The following VRK2 variants were observed in gnomAD, a reference collection of about 807,000 sequenced individuals.
VRK2 encodes the protein VRK serine/threonine kinase 2, also known as serine/threonine-protein kinase VRK2.
A neutral mutation model predicts 57.6 loss-of-function variants in VRK2; 60 were observed. That is an observed-to-expected ratio of 1.04 (90% CI 0.85 to 1.29). VRK2 has a LOEUF of 1.29. Ranked by LOEUF, VRK2 falls within the 50% of genes most tolerant of loss-of-function variation. The probability of loss-of-function intolerance (pLI) is 0.00; values close to 1 mark genes in which losing one functional copy is unlikely to be tolerated. For synonymous variants in VRK2, 231 were observed against 199.2 expected (o/e 1.16, Z -1.35); for missense variants, 705 against 588.1 (o/e 1.20, Z -2.06).
At position 57,917,698 on chromosome 2, in the gene VRK2, CT is replaced by C. The variant is rs1285928937; in HGVS notation, c.-439+9867del. Among the ~76,000 whole-genome samples the C allele has an allele frequency of 6.0e-5, 9 of 151,132 alleles. No homozygotes were observed. In the East Asian group the frequency reaches 1.4e-3, roughly 23 times the overall value. On this transcript the variant is annotated intron_variant, in intron 1 of 15. Coordinates refer to the VRK2 transcript ENST00000417641. Reference sequence around the variant, plus strand: ...CTGCTTATGATATAGAAAATTTTCACTTTTTTTTGACAAATGAAATGTTGAT... The same window carrying C: ...CTGCTTATGATATAGAAAATTTTCACTTTTTTTGACAAATGAAATGTTGAT...
chr2:57,942,035 G>C (rs930093461), intron 1 of VRK2, among the ~76,000 whole-genome samples: 7 of 152,074 alleles, frequency 4.6e-5, no homozygotes, highest in Admixed American at 2.0e-4. Flanking sequence ...TGCTGTGATG[G>C]GCCTTCAGTT....
At chr2:58,038,306 G>C (rs189382795) in intron 3 of VRK2, among the ~76,000 whole-genome samples, 6 of 152,172 alleles carry the variant, frequency 3.9e-5, no homozygotes, top group Admixed American at 3.9e-4. Context: ...AAAGGTACTT[G>C]AAGTTTCTTG....
chr2:58,129,970 A>G (rs1678936694), intron 8 of VRK2, among the ~76,000 whole-genome samples: 2 of 152,248 alleles, frequency 1.3e-5, no homozygotes, highest in African/African-American at 4.8e-5. Flanking sequence ...ATGTATTTTA[A>G]TTAGGTAAGA....
intron 1 of VRK2, among the ~76,000 whole-genome samples, chr2:57,938,862 C>CA (rs1380684952): frequency 6.6e-6 from 1 of 151,838 alleles, no homozygotes; most frequent in Non-Finnish European, 1.5e-5. Flanking sequence ...TTTATGACTT[C>CA]AAAAAAAGAA....
intron 7 of VRK2, among the ~76,000 whole-genome samples, chr2:58,098,215 GTTATGACAA>G (rs1673442851): frequency 6.6e-6 from 1 of 152,056 alleles, no homozygotes; most frequent in Non-Finnish European, 1.5e-5. Flanking sequence ...AAAGCTAAGT[GTTATGACAA>G]AAGAGTCAAA....
chr2:58,003,336 A>G (rs182907187), intron 1 of VRK2, among the ~76,000 whole-genome samples: 10 of 152,292 alleles, frequency 6.6e-5, no homozygotes, highest in Admixed American at 6.5e-4. Flanking sequence ...GGTCTTCATA[A>G]CAACTGACAT....
At chr2:57,998,888 C>T (rs1673003563) in intron 1 of VRK2, among the ~76,000 whole-genome samples, 1 of 152,202 alleles carries the variant, frequency 6.6e-6, no homozygotes, top group African/African-American at 2.4e-5. Flanking sequence ...TGGACTAATT[C>T]ATTCTGAAGG....
At chr2:58,052,733 A>G (rs1675939275) in intron 2 of VRK2, among the ~76,000 whole-genome samples, 1 of 152,190 alleles carries the variant, frequency 6.6e-6, no homozygotes. Flanking sequence ...AAAACTGAGA[A>G]CATAGAGAAT....
chr2:58,024,446 G>C (rs1397084412), intron 1 of VRK2, among the ~76,000 whole-genome samples: 1 of 152,176 alleles, frequency 6.6e-6, no homozygotes, highest in African/African-American at 2.4e-5. Context: ...ACTTAAGTGA[G>C]TAAAACCTCA....
intron 7 of VRK2, among the ~76,000 whole-genome samples, chr2:58,105,350 GA>G (rs573340106): frequency 2.0e-5 from 3 of 147,792 alleles, no homozygotes; most frequent in Admixed American, 6.7e-5. Context: ...AACTTGACAA[GA>G]AAAAAAAATA....
intron 7 of VRK2, among the ~76,000 whole-genome samples, chr2:58,120,179 C>CTTTTTTTTTTTTTTTTTTTTTTTTT (rs1677207512): frequency 1.1e-5 from 1 of 93,370 alleles, no homozygotes; most frequent in Non-Finnish European, 2.1e-5. Context: ...ATTTTTTTTT[C>CTTTTTTTTTTTTTTTTTTTTTTTTT]TTTTCTTTTT....
Position 57,973,834 on chromosome 2 carries a change from G to A in VRK2, c.-438-51831G>A, listed in dbSNP as rs1277053359. 5.9e-5 allele frequency among the ~76,000 whole-genome samples: 9 copies of A among 151,824 alleles called. No homozygotes were observed. The East Asian group carries it at 1.7e-3, about 29-fold the overall frequency. ...AGGAACCTCTGCGTTCAAAGCAGCTGAGGCCAATATCTAGTGGAGAAAAAA... is the reference window on the plus strand; with the variant it reads ...AGGAACCTCTGCGTTCAAAGCAGCTAAGGCCAATATCTAGTGGAGAAAAAA... On this transcript the variant is annotated intron_variant, in intron 1 of 15. Transcript: ENST00000417641.
intron 1 of VRK2, among the ~76,000 whole-genome samples, chr2:57,928,173 G>A (rs900184535): frequency 2.6e-5 from 4 of 151,980 alleles, no homozygotes; most frequent in African/African-American, 9.7e-5. Flanking sequence ...TTGCCCTTCT[G>A]AGGCTATCTG....
At chr2:58,058,214 C>A in intron 2 of VRK2, 8 of 359,568 alleles carry the variant, frequency 2.2e-5, no homozygotes, top group Non-Finnish European at 3.4e-5. Context: ...TTTTCAAAAC[C>A]CTAAATTTAA....
At chr2:58,019,997 T>C (rs1673701239) in intron 1 of VRK2, among the ~76,000 whole-genome samples, 1 of 152,170 alleles carries the variant, frequency 6.6e-6, no homozygotes, top group Admixed American at 6.5e-5. Context: ...TAACTACGAA[T>C]AAACATATTA....
chr2:58,060,696 A>T (rs1367332049), intron 2 of VRK2, among the ~76,000 whole-genome samples: 1 of 151,964 alleles, frequency 6.6e-6, no homozygotes, highest in African/African-American at 2.4e-5. Flanking sequence ...TTTACAGCCT[A>T]ATTTCAGCAT....
intron 5 of VRK2, 67 bp from the exon 6 acceptor site, chr2:58,088,274 A>G: frequency 4.2e-6 from 5 of 1,180,220 alleles, no homozygotes; most frequent in Non-Finnish European, 6.1e-6. Context: ...TCTTGTTTCA[A>G]ATTAAATAGA....
chr2:58,006,800 G>T (rs1049136466), intron 1 of VRK2, among the ~76,000 whole-genome samples: 5 of 152,236 alleles, frequency 3.3e-5, no homozygotes, highest in Admixed American at 2.6e-4. Context: ...AAACAGAAAG[G>T]AAGCCTACTA....
intron 1 of VRK2, among the ~76,000 whole-genome samples, chr2:57,923,391 G>C (rs1670419787): frequency 6.6e-6 from 1 of 151,904 alleles, no homozygotes; most frequent in Admixed American, 6.6e-5. Flanking sequence ...ACCAGTATTT[G>C]TTATTTCCTG....
Sources: allele counts gnomAD v4.1 joint callset (sites outside exome capture counted in the v4.1 genomes callset), GRCh38; gene constraint gnomAD v4.1.1; transcripts MANE v1.5; gene names NCBI Gene and HGNC (gene_info 2026-07-23, HGNC 2026-07-21).